Variants in GALNT9 observed in about 807,000 individuals in gnomAD.
The protein encoded by GALNT9 is GalNAc transferase 9.
GALNT9 carries 47 observed loss-of-function variants against 63.1 expected under a neutral mutation model. The observed-to-expected ratio is 0.75, with a 90% confidence interval of 0.59 to 0.95. The LOEUF (loss-of-function observed/expected upper bound fraction) is 0.95. GALNT9 is among the 40% of genes least tolerant of loss of function. The pLI is 0.00. For synonymous variants in GALNT9, 396 were observed against 365.7 expected (o/e 1.08, Z -0.94); for missense variants, 829 against 874.8 (o/e 0.95, Z 0.66).
intron 5 of GALNT9, among the ~76,000 whole-genome samples, chr12:132,248,678 C>T (rs1010129892): frequency 2.6e-5 from 4 of 152,228 alleles, no homozygotes; most frequent in South Asian, 4.1e-4. Flanking sequence ...TTCTGAACGA[C>T]GCAGCTTGGA....
At chr12:132,240,213 T>G (rs1251914629) in intron 6 of GALNT9, among the ~76,000 whole-genome samples, 1 of 151,834 alleles carries the variant, frequency 6.6e-6, no homozygotes, top group Non-Finnish European at 1.5e-5. Context: ...CGGGGTTGAG[T>G]GGGGTGGTCG....
chr12:132,269,616 G>C (rs1555240554), intron 2 of GALNT9, among the ~76,000 whole-genome samples: 1 of 152,240 alleles, frequency 6.6e-6, no homozygotes, highest in Non-Finnish European at 1.5e-5. Flanking sequence ...CATGGTTTCA[G>C]CTCAAATACC....
rs552504918 is a variant in GALNT9 at position 132,210,422 on chromosome 12, C to T, written c.1078-6732G>A. 1.6e-4 allele frequency among the ~76,000 whole-genome samples: 25 copies of T among 152,318 alleles called. No individual in the cohort carries two copies. The East Asian group carries it at 2.3e-3, about 14-fold the overall frequency. ...AGCGCTGGGGACATGCGGCCTTCAT[C>T]GTGAAACTGTCATCTAGAGGGGAGG... On this transcript the variant is annotated intron_variant, in intron 6 of 10. Transcript: ENST00000328957.
intron 2 of GALNT9, among the ~76,000 whole-genome samples, chr12:132,266,250 G>A (rs575118101): frequency 2.6e-5 from 4 of 152,372 alleles, no homozygotes; most frequent in Non-Finnish European, 5.9e-5. Context: ...GAATGTGCAT[G>A]CACAGCTCCC....
chr12:132,282,126 C>T lies in GALNT9; in HGVS notation c.419+4124G>A, dbSNP rs1482812586. ...CAGCTCCACTACAGCAAGGCCAGGC[C>T]TGGGGGTCCCCGATCCCACAGAGGA... is the stretch of plus-strand genomic sequence containing the variant. On this transcript the variant is annotated intron_variant, in intron 2 of 10. Transcript: ENST00000328957. This position sits in a 1 kb window ranked among gnomAD's most constrained non-coding sequence, Gnocchi z 4.5. Among the ~76,000 whole-genome samples, 1 of 148,718 alleles carries T rather than the reference C, an allele frequency of 6.7e-6. No individual in the cohort carries two copies. Among genetic ancestry groups the T allele is most frequent in the Non-Finnish European group, 1.5e-5 (1 of 67,448 alleles).
In GALNT9 at chr12:132,286,473, C is replaced by CGCT; in HGVS notation, c.239-46_239-44dup. The stretch of plus-strand genomic sequence containing the variant: ...AGGGAGGTCAGGCAGGCCCAGGACA[C>CGCT]GCTGCGTCTGCACCCAGGAGACGCC... On this transcript the variant is annotated intron_variant, in intron 1 of 10. Coordinates refer to ENST00000328957, the MANE Select transcript of GALNT9 (RefSeq NM_001122636.2). The surrounding 1 kb of genome is among the most constrained non-coding windows in gnomAD (Gnocchi z 7.4). The CGCT allele has an allele frequency of 2.0e-6, 3 of 1,519,410 alleles. No individual in the cohort carries two copies. The highest frequency in any genetic ancestry group is 2.6e-6 in the Non-Finnish European group (3 of 1,132,502). The allele number at this position is 1,519,410 out of a possible 1,614,324, so 94.1% of individuals were successfully genotyped here.
rs113768964 is a variant in GALNT9 at position 132,245,122 on chromosome 12, C to A, written c.1077+2788G>T. 2.6e-5 allele frequency among the ~76,000 whole-genome samples: 4 copies of A among 152,008 alleles called. No individual in the cohort carries two copies. Among genetic ancestry groups the A allele is most frequent in the African/African-American group, 9.7e-5 (4 of 41,442 alleles). Reference sequence around the variant, plus strand: ...CCGCGGTGACACAGGCTCCCCTGCCCCGCGGAGGAGTCAGGCCATCAGAAA... The same window carrying A: ...CCGCGGTGACACAGGCTCCCCTGCCACGCGGAGGAGTCAGGCCATCAGAAA... On this transcript the variant is annotated intron_variant, in intron 6 of 10. Coordinates refer to ENST00000328957, the MANE Select transcript of GALNT9 (RefSeq NM_001122636.2). This position sits in a 1 kb window ranked among gnomAD's most constrained non-coding sequence, Gnocchi z 6.3.
At position 132,329,336 on chromosome 12, in the gene GALNT9, T is replaced by C. The variant is rs1869196954; in HGVS notation, c.-133A>G. 1.7e-5 allele frequency: 23 copies of C among 1,335,186 alleles called. No homozygotes were observed. In the South Asian group the frequency reaches 2.8e-4, roughly 16 times the overall value. 82.7% of individuals were successfully genotyped at this position (1,335,186 alleles called of 1,614,324 possible). On this transcript the variant is annotated 5_prime_UTR_variant, in exon 1 of 11. Coordinates refer to ENST00000328957, the MANE Select transcript of GALNT9 (RefSeq NM_001122636.2). ...GGGCTGCGGGGCTCGGCCGGAGCTG[T>C]CCCTTCAGCACCAGCTCAGCGCGCC...
In GALNT9 at chr12:132,296,922, C is replaced by T. The variant is rs576921183; in HGVS notation, c.239-10492G>A. Among the ~76,000 whole-genome samples, 1 of 152,208 alleles carries T rather than the reference C, an allele frequency of 6.6e-6. No homozygotes were observed. The highest frequency in any genetic ancestry group is 6.5e-5 in the Admixed American group (1 of 15,298). ...ACTCACTCCCAAGATACCCAACTCA[C>T]TCCTGAAATAACAAAGCCACTCCTC... On this transcript the variant is annotated intron_variant, in intron 1 of 10. Transcript: ENST00000328957. This position sits in a 1 kb window ranked among gnomAD's most constrained non-coding sequence, Gnocchi z 4.2.
intron 6 of GALNT9, among the ~76,000 whole-genome samples, chr12:132,222,925 A>AC (rs1877514612): frequency 8.2e-6 from 1 of 121,398 alleles, no homozygotes; most frequent in African/African-American, 3.3e-5. Context: ...CATCCCACAC[A>AC]ACCCACACCC....
At chr12:132,266,820 C>G (rs936333259) in intron 2 of GALNT9, among the ~76,000 whole-genome samples, 2 of 152,214 alleles carry the variant, frequency 1.3e-5, no homozygotes, top group African/African-American at 4.8e-5. Flanking sequence ...TGGCTGCTCT[C>G]GGCATTGCTG....
intron 6 of GALNT9, among the ~76,000 whole-genome samples, chr12:132,235,032 TG>T (rs1877945216): frequency 7.6e-5 from 3 of 39,532 alleles, no homozygotes; most frequent in Admixed American, 2.5e-4. Flanking sequence ...GGAGACAGCG[TG>T]GAGTCCCTGG....
At chr12:132,199,922 T>G (rs1233205407) in intron 8 of GALNT9, among the ~76,000 whole-genome samples, 1 of 152,048 alleles carries the variant, frequency 6.6e-6, no homozygotes, top group South Asian at 2.1e-4. Context: ...AGCTGACCCA[T>G]CCACCACGGC....
At chr12:132,287,537 T>G (rs1296965887) in intron 1 of GALNT9, among the ~76,000 whole-genome samples, 2 of 152,050 alleles carry the variant, frequency 1.3e-5, no homozygotes, top group Non-Finnish European at 1.5e-5. Context: ...CTCACACACG[T>G]GACGCCAAGC....
At chr12:132,317,561 T>A (rs560392635) in intron 1 of GALNT9, among the ~76,000 whole-genome samples, 1 of 152,398 alleles carries the variant, frequency 6.6e-6, no homozygotes, top group Admixed American at 6.5e-5. Flanking sequence ...CCAGTGAGTC[T>A]GTTAAAAGCA....
intron 5 of GALNT9, among the ~76,000 whole-genome samples, chr12:132,250,068 A>G (rs929239690): frequency 3.3e-5 from 5 of 152,216 alleles, no homozygotes; most frequent in Admixed American, 3.3e-4. Flanking sequence ...AGGTGGATAC[A>G]TGGAGAGTGG....
At chr12:132,200,150 C>T (rs533100626) in intron 8 of GALNT9, among the ~76,000 whole-genome samples, 19 of 152,190 alleles carry the variant, frequency 1.2e-4, no homozygotes, top group Non-Finnish European at 1.8e-4. Context: ...CTGGAGTCAG[C>T]GCAGGGTGGA....
chr12:132,271,254 G>C (rs577763651), intron 2 of GALNT9, among the ~76,000 whole-genome samples: 4 of 151,960 alleles, frequency 2.6e-5, no homozygotes, highest in Admixed American at 2.6e-4. Flanking sequence ...CGAAACTCCA[G>C]TCACCCGTCA....
intron 6 of GALNT9, among the ~76,000 whole-genome samples, chr12:132,209,758 C>T (rs1361392973): frequency 6.6e-6 from 1 of 152,140 alleles, no homozygotes; most frequent in Non-Finnish European, 1.5e-5. Flanking sequence ...AGGGTGGAGC[C>T]CTCAGTTCGG....
Sources: gnomAD v4.1 joint callset for allele counts (sites outside exome capture counted in the v4.1 genomes callset) on GRCh38, gnomAD v4.1.1 for gene constraint, Gnocchi (gnomAD v3.1) non-coding constraint, MANE v1.5 for transcripts, NCBI Gene and HGNC (gene_info 2026-07-23, HGNC 2026-07-21) for gene names.